SEMA3B: variants seen among roughly 807,000 people sequenced by gnomAD.
SEMA3B encodes the protein semaphorin 3B.
SEMA3B carries 71 observed loss-of-function variants against 77.8 expected under a neutral mutation model. That is an observed-to-expected ratio of 0.91 (90% CI 0.75 to 1.11). The LOEUF (loss-of-function observed/expected upper bound fraction) is 1.11, where lower values mean the gene tolerates loss of function less well. SEMA3B is among the 50% of genes most tolerant of loss of function. The pLI is 0.00. For synonymous variants in SEMA3B, 470 were observed against 452.9 expected, an observed-to-expected ratio of 1.04 and a Z score of -0.48; for missense variants, 968 against 1,056.8, an observed-to-expected ratio of 0.92 and a Z score of 1.17.
In SEMA3B at chr3:50,276,643, C is replaced by A. The variant is rs113616257; in HGVS notation, c.2187C>A (p.Asn729Lys). The A allele has an allele frequency of 6.9e-6, 11 of 1,594,888 alleles. No homozygotes were observed. The South Asian group carries it at 1.2e-4, about 18-fold the overall frequency. The change falls in exon 17 of 17, where the codon AAC becomes AAA. Residue 729 changes from asparagine to lysine, a missense_variant. Physicochemically the swap from Asn to Lys is moderately conservative, Grantham distance 94. Coordinates refer to ENST00000616701, the MANE Select transcript of SEMA3B (RefSeq NM_001290060.2). The surrounding 1 kb of genome is among the most constrained non-coding windows in gnomAD (Gnocchi z 5.8). ...TGGAGTCGCGGAGAAAGGGCCGTAA[C>A]CGGAGGACCCACGCCCCTGAGCCTC... is the stretch of plus-strand genomic sequence containing the variant. ...LPLESRRKGR[N>K]RRTHAPEPRA...
chr3:50,263,857 GACCCTGGGGTCAAGAGA>G (rs1451641289), upstream of SEMA3B, among the ~76,000 whole-genome samples: 16 of 152,076 alleles, frequency 1.1e-4, no homozygotes, highest in East Asian at 9.7e-4. Flanking sequence ...GAGGGTTGAG[GACCCTGGGGTCAAGAGA>G]ACCCTGGGGT....
chr3:50,272,340 G>T (rs1008566398), intron 6 of SEMA3B, among the ~76,000 whole-genome samples: 4 of 151,924 alleles, frequency 2.6e-5, no homozygotes, highest in African/African-American at 4.8e-5. Context: ...TTTGGGAGGC[G>T]GAGGCAGGCA....
In SEMA3B at chr3:50,273,955, C is replaced by G. The variant is rs781880022; in HGVS notation, c.1035C>G (p.Asn345Lys). ...QGSAVCVYSM[N>K]DVRRAFLGPF... Reference sequence around the variant, plus strand: ...CTGCGGTGTGCGTGTACAGCATGAACGACGTGCGCCGGGCCTTCTTGGGAC... The same window carrying G: ...CTGCGGTGTGCGTGTACAGCATGAAGGACGTGCGCCGGGCCTTCTTGGGAC... Residue 345 changes from asparagine to lysine, a missense_variant, in exon 10 of 17, where the codon AAC becomes AAG. By Grantham distance (94) the Asn-to-Lys change is moderately conservative (BLOSUM62 0). Coordinates refer to ENST00000616701, the MANE Select transcript of SEMA3B (RefSeq NM_001290060.2). This position sits in a 1 kb window ranked among gnomAD's most constrained non-coding sequence, Gnocchi z 6.5. 3 of 1,613,466 alleles carry G rather than the reference C, an allele frequency of 1.9e-6. No individual in the cohort carries two copies. The East Asian group carries it at 6.7e-5, about 36-fold the overall frequency.
intron 6 of SEMA3B, among the ~76,000 whole-genome samples, chr3:50,272,018 T>C (rs1377955933): frequency 6.6e-6 from 1 of 152,228 alleles, no homozygotes; most frequent in Non-Finnish European, 1.5e-5. Context: ...GGCTTGCACC[T>C]GTAATCCCAG....
At position 50,274,155 on chromosome 3, in the gene SEMA3B, T is replaced by C. The variant is rs1701143455; in HGVS notation, c.1137+98T>C. 1.3e-6 allele frequency: 2 copies of C among 1,534,202 alleles called. No homozygotes were observed. Among genetic ancestry groups the C allele is most frequent in the African/African-American group, 1.4e-5 (1 of 71,234 alleles). On this transcript the variant is annotated intron_variant, in intron 10 of 16. Coordinates refer to ENST00000616701, the MANE Select transcript of SEMA3B (RefSeq NM_001290060.2). The surrounding 1 kb of genome is among the most constrained non-coding windows in gnomAD (Gnocchi z 4.7). ...TCTTGGTGAATGTGGTTTCTTCCTT[T>C]AGTTATGGGTGGGAAAACGTTTCCA...
At chr3:50,267,610 G>A (rs1700934925), upstream of SEMA3B, 1 of 152,354 alleles carries the variant, frequency 6.6e-6, no homozygotes, top group Non-Finnish European at 1.5e-5. This position sits in a 1 kb window ranked among gnomAD's most constrained non-coding sequence, Gnocchi z 5.7. Context: ...CCTGGTGGGG[G>A]CGGGGGCTGC....
Position 50,276,276 on chromosome 3 carries a change from C to T in SEMA3B, c.1846-26C>T. 1.4e-6 allele frequency: 2 copies of T among 1,456,222 alleles called. No homozygotes were observed. The highest frequency in any genetic ancestry group is 1.8e-6 in the Non-Finnish European group (2 of 1,108,318). The allele number at this position is 1,456,222 out of a possible 1,614,324, so 90.2% of individuals were successfully genotyped here. ...AGCCCTGTTCCCGGCCCGACACCCC[C>T]GCCTCACGCTGCCCTCTGCCCGCAG... On this transcript the variant is annotated intron_variant, in intron 16 of 16. Transcript: ENST00000616701. The surrounding 1 kb of genome is among the most constrained non-coding windows in gnomAD (Gnocchi z 5.8).
Position 50,273,943 on chromosome 3 carries a change from G to A in SEMA3B, c.1023G>A (p.Val341=). The A allele has an allele frequency of 6.2e-7, 1 of 1,613,262 alleles. No individual in the cohort carries two copies. The highest frequency in any genetic ancestry group is 8.5e-7 in the Non-Finnish European group (1 of 1,179,424). The change falls in exon 10 of 17, where the codon GTG becomes GTA. Residue 341 remains valine (V), a synonymous_variant. Coordinates refer to ENST00000616701, the MANE Select transcript of SEMA3B (RefSeq NM_001290060.2). This position sits in a 1 kb window ranked among gnomAD's most constrained non-coding sequence, Gnocchi z 6.5. ...TCTTCCAGGGCTCTGCGGTGTGCGT[G>A]TACAGCATGAACGACGTGCGCCGGG... ...SSIFQGSAVC[V]YSMNDVRRAF...
chr3:50,267,568 G>GCACGGC (rs1160013439), upstream of SEMA3B: 2 of 152,130 alleles, frequency 1.3e-5, no homozygotes, highest in Non-Finnish European at 1.5e-5. The surrounding 1 kb of genome is among the most constrained non-coding windows in gnomAD (Gnocchi z 5.7). Context: ...AAACTTTACG[G>GCACGGC]CACGGCGGGC....
rs1701016478 is a variant in SEMA3B at position 50,270,430 on chromosome 3, T to C, written c.268-3T>C. On this transcript the variant is annotated splice_polypyrimidine_tract_variant and splice_region_variant and intron_variant, in intron 2 of 16. Coordinates refer to ENST00000616701, the MANE Select transcript of SEMA3B (RefSeq NM_001290060.2). The surrounding 1 kb of genome is among the most constrained non-coding windows in gnomAD (Gnocchi z 4.7). ...TGTCCCCTCTCCCCCAACCTCCCGA[T>C]AGCTGGCCTGGCCGGCCCCTGTGGA... 6.2e-7 allele frequency: 1 copy of C among 1,613,586 alleles called. No individual in the cohort carries two copies. Among genetic ancestry groups the C allele is most frequent in the South Asian group, 1.1e-5 (1 of 91,086 alleles).
chr3:50,261,200 C>T, the SEMA3B span: 1 of 152,350 alleles, frequency 6.6e-6, no homozygotes, highest in Non-Finnish European at 1.5e-5. Flanking sequence ...GCCCTCCCAG[C>T]CTAAGAAGCC....
Position 50,273,310 on chromosome 3 carries a change from T to C in SEMA3B, c.677T>C (p.Val226Ala). ...CTGCCGCGGTCAGAGCCCAAGTTTG[T>C]CAAGGTATTTTGGATCCCGGAGAGC... ...DSRWLNEPKF[V>A]KVFWIPESEN... The change falls in exon 7 of 17, where the codon GTC becomes GCC. Residue 226 changes from valine to alanine, a missense_variant. Val to Ala is a moderately conservative substitution (Grantham distance 64, BLOSUM62 0). Coordinates refer to ENST00000616701, the MANE Select transcript of SEMA3B (RefSeq NM_001290060.2). The surrounding 1 kb of genome is among the most constrained non-coding windows in gnomAD (Gnocchi z 6.5). The C allele has an allele frequency of 6.2e-7, 1 of 1,613,814 alleles. No homozygotes were observed.
Position 50,276,639 on chromosome 3 carries a change from G to A in SEMA3B, c.2183G>A (p.Arg728His). Residue 728 changes from arginine to histidine, a missense_variant, in exon 17 of 17, where the codon CGT becomes CAT. By Grantham distance (29) the Arg-to-His change is conservative (BLOSUM62 0). Transcript: ENST00000616701. The surrounding 1 kb of genome is among the most constrained non-coding windows in gnomAD (Gnocchi z 5.8). Reference sequence around the variant, plus strand: ...CCCCTGGAGTCGCGGAGAAAGGGCCGTAACCGGAGGACCCACGCCCCTGAG... The same window carrying A: ...CCCCTGGAGTCGCGGAGAAAGGGCCATAACCGGAGGACCCACGCCCCTGAG... ...SLPLESRRKG[R>H]NRRTHAPEPR... is the part of the protein sequence containing the mutation. 1.3e-6 allele frequency: 2 copies of A among 1,594,828 alleles called. No individual in the cohort carries two copies. Among genetic ancestry groups the A allele is most frequent in the Non-Finnish European group, 1.7e-6 (2 of 1,175,462 alleles).
rs1701143856 is a variant in SEMA3B, at chr3:50,274,180, A to G, written c.1137+123A>G. 1 of 1,470,978 alleles carries G rather than the reference A, an allele frequency of 6.8e-7. No individual in the cohort carries two copies. The highest frequency in any genetic ancestry group is 2.3e-5 in the Admixed American group (1 of 44,044). 91.1% of individuals were successfully genotyped at this position (1,470,978 alleles called of 1,614,324 possible). On this transcript the variant is annotated intron_variant, in intron 10 of 16. Transcript: ENST00000616701. This position sits in a 1 kb window ranked among gnomAD's most constrained non-coding sequence, Gnocchi z 4.7. The stretch of plus-strand genomic sequence containing the variant: ...TAGTTATGGGTGGGAAAACGTTTCC[A>G]TCATAAGACAAGGCTTGTTTCCCGC...
chr3:50,273,143 C>A lies in SEMA3B; in HGVS notation c.665-155C>A. The A allele has an allele frequency of 2.5e-6, 3 of 1,204,272 alleles. No homozygotes were observed. Among genetic ancestry groups the A allele is most frequent in the Non-Finnish European group, 3.4e-6 (3 of 876,352 alleles). 74.6% of individuals were successfully genotyped at this position (1,204,272 alleles called of 1,614,324 possible). A position where few individuals can be genotyped will look rare whatever the true frequency, so the allele number is the denominator to read the frequency against. On this transcript the variant is annotated intron_variant, in intron 6 of 16. Coordinates refer to ENST00000616701, the MANE Select transcript of SEMA3B (RefSeq NM_001290060.2). The surrounding 1 kb of genome is among the most constrained non-coding windows in gnomAD (Gnocchi z 6.5). ...CCTGATCCTTTGGATTCGGTCCGCG[C>A]AGAGCGCCAACTGGACATGGTGCTA...
Position 50,275,495 on chromosome 3 carries a change from G to A in SEMA3B, c.1649+36G>A, listed in dbSNP as rs1490144814. The A allele has an allele frequency of 1.2e-6, 2 of 1,608,936 alleles. No homozygotes were observed. The highest frequency in any genetic ancestry group is 2.7e-5 in the African/African-American group (2 of 74,840). Reference sequence around the variant, plus strand: ...TCGGGGTTGGGCCGCCGGGAGGGAGGCGAAGGGTCTTTCACTGCCCGGGGC... The same window carrying A: ...TCGGGGTTGGGCCGCCGGGAGGGAGACGAAGGGTCTTTCACTGCCCGGGGC... On this transcript the variant is annotated intron_variant, in intron 14 of 16. Coordinates refer to ENST00000616701, the MANE Select transcript of SEMA3B (RefSeq NM_001290060.2). The surrounding 1 kb of genome is among the most constrained non-coding windows in gnomAD (Gnocchi z 7.5).
In SEMA3B at chr3:50,276,797, G is replaced by A; in HGVS notation, c.*91G>A. ...TGAAAAGAAGGACGGGTTGGGGCCG[G>A]GCACATTGGGGGTCACCGGCCGATG... On this transcript the variant is annotated 3_prime_UTR_variant, in exon 17 of 17. Transcript: ENST00000616701. This position sits in a 1 kb window ranked among gnomAD's most constrained non-coding sequence, Gnocchi z 5.8. 1 of 1,372,392 alleles carries A rather than the reference G, an allele frequency of 7.3e-7. No individual in the cohort carries two copies. The highest frequency in any genetic ancestry group is 1.6e-5 in the South Asian group (1 of 62,598). 85.0% of individuals were successfully genotyped at this position (1,372,392 alleles called of 1,614,324 possible).
chr3:50,270,593 A>T lies in SEMA3B; in HGVS notation c.330+98A>T. The T allele has an allele frequency of 1.6e-5, 24 of 1,544,630 alleles. No homozygotes were observed. Among genetic ancestry groups the T allele is most frequent in the Non-Finnish European group, 1.9e-5 (22 of 1,129,208 alleles). On this transcript the variant is annotated intron_variant, in intron 3 of 16. Coordinates refer to ENST00000616701, the MANE Select transcript of SEMA3B (RefSeq NM_001290060.2). This position sits in a 1 kb window ranked among gnomAD's most constrained non-coding sequence, Gnocchi z 4.7. Reference sequence around the variant, plus strand: ...CAGAGGCCTGCCTGTTCTGGCTGGGATGAGGGCAGGGAGGTCGAGGTGGCT... The same window carrying T: ...CAGAGGCCTGCCTGTTCTGGCTGGGTTGAGGGCAGGGAGGTCGAGGTGGCT...
At chr3:50,264,023 C>T (rs587627822), upstream of SEMA3B, among the ~76,000 whole-genome samples, 2 of 152,032 alleles carry the variant, frequency 1.3e-5, no homozygotes, top group South Asian at 4.1e-4. Context: ...CATGACAAAA[C>T]CTCATCTCTA....
Sources: allele counts gnomAD v4.1 joint callset (sites outside exome capture counted in the v4.1 genomes callset), GRCh38; gene constraint gnomAD v4.1.1; non-coding constraint Gnocchi (gnomAD v3.1); transcripts MANE v1.5; gene names NCBI Gene and HGNC (gene_info 2026-07-23, HGNC 2026-07-21).